SYT9: variants seen among roughly 807,000 people sequenced by gnomAD.
SYT9 encodes the protein synaptotagmin-9.
SYT9 carries 22 observed loss-of-function variants against 48.4 expected under a neutral mutation model. That is an observed-to-expected ratio of 0.45 (90% CI 0.32 to 0.65). SYT9 has a LOEUF of 0.65. SYT9 is among the 30% of genes least tolerant of loss of function. The probability of loss-of-function intolerance (pLI) is 0.03; values close to 1 mark genes in which losing one functional copy is unlikely to be tolerated. For missense variants in SYT9, 577 were observed against 622.0 expected (o/e 0.93, Z 0.77); for synonymous variants, 265 against 245.0 (o/e 1.08, Z -0.76).
chr11:7,247,632 T>C (rs936219049), upstream of SYT9, among the ~76,000 whole-genome samples: 1 of 146,658 alleles, frequency 6.8e-6, no homozygotes, highest in Non-Finnish European at 1.5e-5. Context: ...TATATACGTG[T>C]ATATATACGT....
chr11:7,418,780 G>T (rs1442442684), intron 5 of SYT9, among the ~76,000 whole-genome samples: 1 of 152,170 alleles, frequency 6.6e-6, no homozygotes, highest in African/African-American at 2.4e-5. Flanking sequence ...TTAAAGGACA[G>T]ATTTGAAAAA....
intron 6 of SYT9, among the ~76,000 whole-genome samples, chr11:7,432,043 C>T (rs1333835020): frequency 6.6e-6 from 1 of 152,202 alleles, no homozygotes; most frequent in African/African-American, 2.4e-5. Context: ...GGCCACCAGC[C>T]CCCAGACCTC....
chr11:7,259,483 G>T (rs1161204481), intron 1 of SYT9, among the ~76,000 whole-genome samples: 1 of 151,902 alleles, frequency 6.6e-6, no homozygotes, highest in East Asian at 1.9e-4. Flanking sequence ...AGCCCTAATT[G>T]CTTTCTGGTA....
intron 5 of SYT9, among the ~76,000 whole-genome samples, chr11:7,418,769 T>G (rs1398517487): frequency 6.6e-6 from 1 of 152,198 alleles, no homozygotes; most frequent in Non-Finnish European, 1.5e-5. Context: ...CAATTGTGTA[T>G]TTAAAGGACA....
intron 3 of SYT9, among the ~76,000 whole-genome samples, chr11:7,381,046 T>C (rs1321365686): frequency 2.0e-5 from 3 of 152,180 alleles, no homozygotes; most frequent in Non-Finnish European, 4.4e-5. Context: ...CAGAACTGGA[T>C]AATACTTAGG....
chr11:7,467,004 G>C lies in SYT9; in HGVS notation c.*204G>C, dbSNP rs997050804. On this transcript the variant is annotated 3_prime_UTR_variant, in exon 7 of 7. Coordinates refer to ENST00000318881, the MANE Select transcript of SYT9 (RefSeq NM_175733.4). The stretch of plus-strand genomic sequence containing the variant: ...AGCCACCTTCTGCAGGTGGCCCAAG[G>C]TGATGTGCTGCAGGGAAGCATGTCT... 1.7e-5 allele frequency: 10 copies of C among 602,976 alleles called. No homozygotes were observed. The highest frequency in any genetic ancestry group is 6.0e-6 in the Non-Finnish European group (2 of 334,870). 37.4% of individuals were successfully genotyped at this position (602,976 alleles called of 1,614,324 possible). A position where few individuals can be genotyped will look rare whatever the true frequency, so the allele number is the denominator to read the frequency against.
At chr11:7,386,704 T>G (rs1280258218) in intron 3 of SYT9, among the ~76,000 whole-genome samples, 2 of 152,142 alleles carry the variant, frequency 1.3e-5, no homozygotes, top group Non-Finnish European at 2.9e-5. Flanking sequence ...TTGGTGGGAC[T>G]GTAAACTAGT....
intron 3 of SYT9, among the ~76,000 whole-genome samples, chr11:7,331,952 G>A (rs1199727486): frequency 1.3e-5 from 2 of 152,162 alleles, no homozygotes; most frequent in African/African-American, 4.8e-5. Flanking sequence ...AACCTAAGAG[G>A]TGGATAGTAA....
Position 7,252,171 on chromosome 11 carries a change from A to G in SYT9, c.-16A>G. ...GCGCCCGCCTGCCCGGCGCGGTCCG[A>G]GGATGCGGGGGGGCGATGCCCGGGG... On this transcript the variant is annotated 5_prime_UTR_variant, in exon 1 of 7. Transcript: ENST00000318881. The surrounding 1 kb of genome is among the most constrained non-coding windows in gnomAD (Gnocchi z 6.3). 1 of 1,431,108 alleles carries G rather than the reference A, an allele frequency of 7.0e-7. No individual in the cohort carries two copies. The highest frequency in any genetic ancestry group is 9.1e-7 in the Non-Finnish European group (1 of 1,095,276). 88.7% of individuals were successfully genotyped at this position (1,431,108 alleles called of 1,614,324 possible).
At chr11:7,383,067 G>C (rs188142592) in intron 3 of SYT9, among the ~76,000 whole-genome samples, 20 of 152,324 alleles carry the variant, frequency 1.3e-4, no homozygotes, top group Middle Eastern at 3.4e-3. Flanking sequence ...ATCTTGTCAT[G>C]TCTGGGGAAA....
rs1564836780 is a variant in SYT9 at position 7,252,839 on chromosome 11, G to A, written c.145+508G>A. ...CTTTCCTTGGTATGGGGTGAGAAGG[G>A]CGGGACGCGATCCGGCGTTGGGCCG... is the stretch of plus-strand genomic sequence containing the variant. On this transcript the variant is annotated intron_variant, in intron 1 of 6. Coordinates refer to ENST00000318881, the MANE Select transcript of SYT9 (RefSeq NM_175733.4). This position sits in a 1 kb window ranked among gnomAD's most constrained non-coding sequence, Gnocchi z 6.3. 6.6e-6 allele frequency among the ~76,000 whole-genome samples: 1 copy of A among 152,210 alleles called. No homozygotes were observed. Among genetic ancestry groups the A allele is most frequent in the Non-Finnish European group, 1.5e-5 (1 of 68,040 alleles).
chr11:7,288,396 C>A (rs1848636896), intron 1 of SYT9, among the ~76,000 whole-genome samples: 1 of 151,864 alleles, frequency 6.6e-6, no homozygotes, highest in Non-Finnish European at 1.5e-5. Context: ...ATTTCTGTTC[C>A]ATTTATTATT....
chr11:7,349,995 C>G (rs921634703), intron 3 of SYT9, among the ~76,000 whole-genome samples: 1 of 152,180 alleles, frequency 6.6e-6, no homozygotes, highest in African/African-American at 2.4e-5. Flanking sequence ...CATTCTGCTG[C>G]TTTCATCACA....
intron 1 of SYT9, among the ~76,000 whole-genome samples, chr11:7,301,653 A>G (rs1311995470): frequency 6.6e-6 from 1 of 152,226 alleles, no homozygotes; most frequent in African/African-American, 2.4e-5. Flanking sequence ...TTATATCTCT[A>G]GAGCTTAGCG....
chr11:7,253,578 CT>C (rs11297075), intron 1 of SYT9, among the ~76,000 whole-genome samples: 93,287 of 151,544 alleles, frequency 0.62, 29,187 homozygotes, highest in Middle Eastern at 0.69. Context: ...CTACCAGAGG[CT>C]TTTTTTTCCT....
At chr11:7,291,909 G>T (rs1848702947) in intron 1 of SYT9, among the ~76,000 whole-genome samples, 1 of 152,184 alleles carries the variant, frequency 6.6e-6, no homozygotes, top group South Asian at 2.1e-4. Context: ...TAATCCTGGG[G>T]TTTGGAGCAA....
chr11:7,460,822 TA>T (rs2134158180), intron 6 of SYT9, among the ~76,000 whole-genome samples: 1 of 152,212 alleles, frequency 6.6e-6, no homozygotes, highest in East Asian at 1.9e-4. Context: ...TTATAATTCT[TA>T]TTTGTTAACC....
Position 7,313,531 on chromosome 11 carries a change from G to C in SYT9, c.634G>C (p.Asp212His). ...LYKQRSLDND[D>H]GRRSNSKACG... The stretch of plus-strand genomic sequence containing the variant: ...TAAGCAGAGGTCATTGGATAATGAT[G>C]ACGGGAGACGGAGTAACAGCAAGGC... Residue 212 changes from aspartate (D) to histidine (H), a missense_variant, in exon 3 of 7, where the codon GAC (aspartate) becomes CAC (histidine). Physicochemically the swap from Asp to His is moderately conservative, Grantham distance 81. Transcript: ENST00000318881. 6.2e-7 allele frequency: 1 copy of C among 1,614,182 alleles called. No individual in the cohort carries two copies. Among genetic ancestry groups the C allele is most frequent in the Non-Finnish European group, 8.5e-7 (1 of 1,180,010 alleles).
chr11:7,269,088 C>A (rs1214970154), intron 1 of SYT9, among the ~76,000 whole-genome samples: 1 of 151,986 alleles, frequency 6.6e-6, no homozygotes, highest in Non-Finnish European at 1.5e-5. Context: ...ATTAGTATTC[C>A]ATTAGATGGA....
Sources: allele counts gnomAD v4.1 joint callset (sites outside exome capture counted in the v4.1 genomes callset), GRCh38; gene constraint gnomAD v4.1.1; non-coding constraint Gnocchi (gnomAD v3.1); transcripts MANE v1.5; gene names NCBI Gene and HGNC (gene_info 2026-07-23, HGNC 2026-07-21).